CNTLN: variants seen among roughly 807,000 people sequenced by gnomAD.
The protein encoded by CNTLN is centlein.
In CNTLN, 212 loss-of-function variants were observed where a neutral mutation model predicts 180.0. The observed-to-expected ratio is 1.18, with a 90% confidence interval of 1.05 to 1.32. CNTLN has a LOEUF of 1.32. CNTLN is among the 40% of genes most tolerant of loss of function. CNTLN has a pLI of 0.00. For missense variants in CNTLN, 2,095 were observed against 1,610.9 expected, an observed-to-expected ratio of 1.30 and a Z score of -5.14; for synonymous variants, 722 against 563.1, an observed-to-expected ratio of 1.28 and a Z score of -3.99.
intron 2 of CNTLN, among the ~76,000 whole-genome samples, chr9:17,184,585 T>C (rs1430735461): frequency 2.6e-5 from 4 of 152,160 alleles, no homozygotes; most frequent in African/African-American, 4.8e-5. Context: ...ATGAATTGTA[T>C]TGGGGGAGAA....
At chr9:17,393,388 C>T (rs1418812762) in intron 14 of CNTLN, among the ~76,000 whole-genome samples, 1 of 152,132 alleles carries the variant, frequency 6.6e-6, no homozygotes, top group African/African-American at 2.4e-5. Context: ...AGTTCATATA[C>T]TTTTTCAGTC....
intron 2 of CNTLN, among the ~76,000 whole-genome samples, chr9:17,220,487 T>C (rs552736300): frequency 6.6e-6 from 1 of 152,226 alleles, no homozygotes; most frequent in South Asian, 2.1e-4. Context: ...ACTTTAAAGG[T>C]AAACTTGTGT....
intron 18 of CNTLN, among the ~76,000 whole-genome samples, chr9:17,435,428 AT>A (rs1829710441): frequency 6.6e-6 from 1 of 152,166 alleles, no homozygotes; most frequent in African/African-American, 2.4e-5. Flanking sequence ...TTAAACTTTT[AT>A]TTAAGATAAC....
At chr9:17,265,703 C>G (rs146665679) in intron 5 of CNTLN, among the ~76,000 whole-genome samples, 2,357 of 152,144 alleles carry the variant, frequency 0.015, 63 homozygotes, top group African/African-American at 0.054. Context: ...TTGATTATTG[C>G]CACAATTTCA....
intron 2 of CNTLN, among the ~76,000 whole-genome samples, chr9:17,164,171 G>T (rs1362705788): frequency 6.6e-6 from 1 of 151,596 alleles, no homozygotes; most frequent in Admixed American, 6.6e-5. Flanking sequence ...AATTAAACTG[G>T]CATGGTGTCG....
At chr9:17,430,274 T>G (rs1829338911) in intron 18 of CNTLN, among the ~76,000 whole-genome samples, 1 of 152,022 alleles carries the variant, frequency 6.6e-6, no homozygotes, top group Non-Finnish European at 1.5e-5. Flanking sequence ...TGGCTTAAGA[T>G]TTCCTATAAT....
chr9:17,409,242 A>G, intron 15 of CNTLN, 51 bp from the exon 16 acceptor site: 5 of 1,534,666 alleles, frequency 3.3e-6, no homozygotes, highest in Non-Finnish European at 4.5e-6. Flanking sequence ...AGACAAGTAC[A>G]TGTAACAACT....
the CNTLN span, among the ~76,000 whole-genome samples, chr9:17,514,492 AG>A: frequency 6.6e-6 from 1 of 152,232 alleles, no homozygotes; most frequent in African/African-American, 2.4e-5. Flanking sequence ...AGAAGATGAA[AG>A]GATCCCATAA....
intron 18 of CNTLN, among the ~76,000 whole-genome samples, chr9:17,445,770 C>T (rs375073661): frequency 1.8e-4 from 27 of 152,132 alleles, no homozygotes; most frequent in East Asian, 1.5e-3. Context: ...TCCCCCAGCC[C>T]GACACCCGTA....
At chr9:17,249,451 C>G (rs960372732) in intron 5 of CNTLN, among the ~76,000 whole-genome samples, 1 of 151,138 alleles carries the variant, frequency 6.6e-6, no homozygotes, top group Non-Finnish European at 1.5e-5. Context: ...CAGGTTCACA[C>G]CATTCTCCTG....
In CNTLN at chr9:17,342,945, C is replaced by T. The variant is rs10963043; in HGVS notation, c.1886+501C>T. 7.1e-3 allele frequency among the ~76,000 whole-genome samples: 1,079 copies of T among 152,302 alleles called. 24 individuals carry two copies. Among genetic ancestry groups the T allele is most frequent in the East Asian group, 0.05 (261 of 5,172 alleles). On this transcript the variant is annotated intron_variant, in intron 12 of 25. Transcript: ENST00000380647. Reference sequence around the variant, plus strand: ...TGTCCAAGCTAATTACTGGTAGCAGCAGAACTGCCTGTTAAGGGTCTGGTG... The same window carrying T: ...TGTCCAAGCTAATTACTGGTAGCAGTAGAACTGCCTGTTAAGGGTCTGGTG...
At chr9:17,486,801 T>A (rs554185112) in intron 24 of CNTLN, among the ~76,000 whole-genome samples, 188 bp from the exon 25 acceptor site, 1 of 152,244 alleles carries the variant, frequency 6.6e-6, no homozygotes, top group Non-Finnish European at 1.5e-5. Flanking sequence ...AGCTATATCT[T>A]CCGTAGTACG....
chr9:17,465,656 T>G (rs1015365445), intron 21 of CNTLN, among the ~76,000 whole-genome samples: 8 of 151,108 alleles, frequency 5.3e-5, no homozygotes, highest in Non-Finnish European at 1.0e-4. Flanking sequence ...TGTTTCAGAG[T>G]CAAAACAATC....
intron 12 of CNTLN, among the ~76,000 whole-genome samples, chr9:17,347,716 T>C (rs1822024248): frequency 6.6e-6 from 1 of 151,550 alleles, no homozygotes; most frequent in African/African-American, 2.4e-5. Context: ...GAAAATGTAT[T>C]GAATACATGT....
intron 2 of CNTLN, among the ~76,000 whole-genome samples, chr9:17,149,584 C>A (rs1203977563): frequency 7.3e-6 from 1 of 137,840 alleles, no homozygotes; most frequent in Admixed American, 8.0e-5. Flanking sequence ...GTGGCTCGAT[C>A]TCAGCTCACT....
At chr9:17,347,752 C>A (rs1822028309) in intron 12 of CNTLN, among the ~76,000 whole-genome samples, 1 of 151,910 alleles carries the variant, frequency 6.6e-6, no homozygotes, top group Non-Finnish European at 1.5e-5. Flanking sequence ...ATAGCTTAGC[C>A]TAGACTACCT....
At chr9:17,315,253 T>C (rs928799508) in intron 8 of CNTLN, among the ~76,000 whole-genome samples, 1 of 152,166 alleles carries the variant, frequency 6.6e-6, no homozygotes, top group African/African-American at 2.4e-5. Context: ...ATTTTTTAGA[T>C]GGATAGAACT....
intron 8 of CNTLN, among the ~76,000 whole-genome samples, chr9:17,323,014 A>G (rs1820023064): frequency 6.6e-6 from 1 of 152,190 alleles, no homozygotes; most frequent in African/African-American, 2.4e-5. Context: ...GTAAGAGGGA[A>G]TTAACTAAAT....
In CNTLN at chr9:17,143,290, T is replaced by C. The variant is rs1356301756; in HGVS notation, c.363T>C (p.Ala121=). The C allele has an allele frequency of 6.2e-7, 1 of 1,608,916 alleles. No individual in the cohort carries two copies. Residue 121 remains alanine, a splice_region_variant and synonymous_variant, in exon 2 of 26, where the codon GCT becomes GCC. Coordinates refer to ENST00000380647, the MANE Select transcript of CNTLN (RefSeq NM_017738.4). ...AAATTCTCTTTTATTTCTTTAAGGC[T>C]GATAAAGAATTTGTATGGTCTTTGT... is the stretch of plus-strand genomic sequence containing the variant. ...SLKEELALCQ[A]DKEFVWSLWK...
Sources: gnomAD v4.1 joint callset for allele counts (sites outside exome capture counted in the v4.1 genomes callset) on GRCh38, gnomAD v4.1.1 for gene constraint, MANE v1.5 for transcripts, NCBI Gene and HGNC (gene_info 2026-07-23, HGNC 2026-07-21) for gene names.